The following MAOA variants were observed in gnomAD, a reference collection of about 807,000 sequenced individuals.
The protein encoded by MAOA is monoamine oxidase A.
A neutral mutation model predicts 42.0 loss-of-function variants in MAOA; 6 were observed. That is an observed-to-expected ratio of 0.14 (90% confidence interval 0.08 to 0.28). The LOEUF is 0.28. MAOA is among the 10% of genes least tolerant of loss of function. The probability of loss-of-function intolerance (pLI) is 1.00; values close to 1 mark genes in which losing one functional copy is unlikely to be tolerated. For synonymous variants in MAOA, 140 were observed against 154.0 expected, an observed-to-expected ratio of 0.91 and a Z score of 0.67; for missense variants, 262 against 422.3, an observed-to-expected ratio of 0.62 and a Z score of 3.33.
intron 5 of MAOA, among the ~76,000 whole-genome samples, chrX:43,724,176 A>G (rs2033814041): frequency 9.0e-6 from 1 of 111,719 alleles, no homozygotes; most frequent in African/African-American, 3.3e-5. Flanking sequence ...TTTTGGTATC[A>G]GGATGATGCT....
rs2147103078 is a variant in MAOA at position 43,731,813 on chromosome X, G to A, written c.915G>A (p.Lys305=). 8.3e-7 allele frequency: 1 copy of A among 1,210,218 alleles called. No homozygotes were observed. The change falls in exon 8 of 15, where the codon AAG becomes AAA. Residue 305 remains lysine, a synonymous_variant. Coordinates refer to ENST00000338702, the MANE Select transcript of MAOA (RefSeq NM_000240.4). ...IQRLPMGAVI[K]CMMYYKEAFW... ...GGCTTCCAATGGGAGCTGTCATTAA[G>A]TGCATGATGTATTACAAGGAGGCCT...
rs1211873368 is a variant in MAOA, at chrX:43,672,945, G to T, written c.74-10568G>T. 1.7e-3 allele frequency among the ~76,000 whole-genome samples: 185 copies of T among 111,339 alleles called. 2 individuals are homozygous for T. Among genetic ancestry groups the T allele is most frequent in the African/African-American group, 5.9e-3 (180 of 30,637 alleles). On this transcript the variant is annotated intron_variant, in intron 1 of 14. Transcript: ENST00000338702. Reference sequence around the variant, plus strand: ...CCCGGCTTTGATATCAGGATGATACGGGCCTCATAAAATGAGTTAGGGAGG... The same window carrying T: ...CCCGGCTTTGATATCAGGATGATACTGGCCTCATAAAATGAGTTAGGGAGG...
Position 43,728,303 on chromosome X carries a change from A to G in MAOA, c.634A>G (p.Asn212Asp), listed in dbSNP as rs897212168. ...GGTTRIFSVT[N>D]GGQERKFVGG... ...CACCACTCGGATATTCTCTGTCACC[A>G]ATGGTGGCCAGGTATGGTGTGTATG... Residue 212 changes from asparagine (N) to aspartate (D), a missense_variant, in exon 6 of 15, where the codon AAT becomes GAT. Coordinates refer to ENST00000338702, the MANE Select transcript of MAOA (RefSeq NM_000240.4). 8.3e-7 allele frequency: 1 copy of G among 1,209,814 alleles called. No individual in the cohort carries two copies. The highest frequency in any genetic ancestry group is 1.1e-6 in the Non-Finnish European group (1 of 895,063).
At chrX:43,691,557 A>G (rs961742419) in intron 2 of MAOA, among the ~76,000 whole-genome samples, 1 of 111,839 alleles carries the variant, frequency 8.9e-6, no homozygotes, top group African/African-American at 3.2e-5. Flanking sequence ...GTCTGGAAAT[A>G]GAAAAGATGG....
rs2147085452 is a variant in MAOA, at chrX:43,693,406, A to G, written c.284A>G (p.Glu95Gly). Residue 95 changes from glutamate (E) to glycine (G), a missense_variant, in exon 3 of 15, where the codon GAG becomes GGG. By Grantham distance (98) the Glu-to-Gly change is moderately conservative. Transcript: ENST00000338702. ...GIETYKVNVS[E>G]RLVQYVKGKT... ...GAGACTTACAAAGTGAATGTCAGTG[A>G]GCGTCTCGTTCAATATGTCAAGGTA... is the stretch of plus-strand genomic sequence containing the variant. 1 of 1,211,025 alleles carries G rather than the reference A, an allele frequency of 8.3e-7. No individual in the cohort carries two copies. The highest frequency in any genetic ancestry group is 2.2e-5 in the Admixed American group (1 of 46,049).
intron 5 of MAOA, among the ~76,000 whole-genome samples, chrX:43,714,834 A>T (rs1292029809): frequency 9.3e-6 from 1 of 108,099 alleles, no homozygotes; most frequent in Non-Finnish European, 1.9e-5. Flanking sequence ...TTTTCCAGCT[A>T]TTTCTCTCTC....
chrX:43,664,700 G>A (rs971226427), intron 1 of MAOA, among the ~76,000 whole-genome samples: 2 of 111,914 alleles, frequency 1.8e-5, no homozygotes, highest in Non-Finnish European at 3.8e-5. Flanking sequence ...CATTCATTCA[G>A]TAAATATTTG....
At chrX:43,740,851 A>G (rs2033955706) in intron 11 of MAOA, 113 bp downstream of exon 11, 2 of 664,045 alleles carry the variant, frequency 3.0e-6, no homozygotes, top group Non-Finnish European at 4.4e-6. Flanking sequence ...ATAAAGCGAT[A>G]TGCTTAACTT....
chrX:43,664,567 A>C (rs1252261239), intron 1 of MAOA, among the ~76,000 whole-genome samples: 6 of 111,876 alleles, frequency 5.4e-5, no homozygotes, highest in Non-Finnish European at 1.1e-4. Flanking sequence ...AGTGTCATAG[A>C]TTTTGGATAA....
At chrX:43,711,199 G>A (rs1480986244) in intron 3 of MAOA, among the ~76,000 whole-genome samples, 1 of 111,168 alleles carries the variant, frequency 9.0e-6, no homozygotes, top group Non-Finnish European at 1.9e-5. Flanking sequence ...GGAGCTGGTA[G>A]CTGGGACCAT....
chrX:43,676,458 G>T (rs1227779902), intron 1 of MAOA, among the ~76,000 whole-genome samples: 1 of 111,017 alleles, frequency 9.0e-6, no homozygotes, highest in East Asian at 2.8e-4. Flanking sequence ...CCACTGTCCT[G>T]CGCCCACTGT....
At position 43,731,601 on chromosome X, in the gene MAOA, A is replaced by G. The variant is rs2033881531; in HGVS notation, c.796-93A>G. On this transcript the variant is annotated intron_variant, in intron 7 of 14. Transcript: ENST00000338702. Reference sequence around the variant, plus strand: ...TCATTTTGTATGTTTTTACTGCTCAATGTTGTTTAGAAGTGATAAAGATGA... The same window carrying G: ...TCATTTTGTATGTTTTTACTGCTCAGTGTTGTTTAGAAGTGATAAAGATGA... 17 of 959,750 alleles carry G rather than the reference A, an allele frequency of 1.8e-5. No individual in the cohort carries two copies. The Middle Eastern group carries it at 1.3e-3, about 73-fold the overall frequency. 79.1% of individuals were successfully genotyped at this position (959,750 alleles called of 1,213,427 possible).
At chrX:43,671,260 A>G (rs1218674904) in intron 1 of MAOA, among the ~76,000 whole-genome samples, 1 of 104,890 alleles carries the variant, frequency 9.5e-6, no homozygotes, top group Non-Finnish European at 2.0e-5. Flanking sequence ...GTGTCTGTTC[A>G]TGTCCTTCAC....
chrX:43,741,212 A>G (rs980397595), intron 11 of MAOA, among the ~76,000 whole-genome samples: 4 of 111,627 alleles, frequency 3.6e-5, no homozygotes, highest in African/African-American at 1.3e-4. Context: ...TGTGAACTCA[A>G]TTCACAACTC....
At chrX:43,664,022 A>G (rs781531777) in intron 1 of MAOA, among the ~76,000 whole-genome samples, 1 of 111,973 alleles carries the variant, frequency 8.9e-6, no homozygotes, top group Admixed American at 9.5e-5. Context: ...TGTTCTGGAA[A>G]CCTCTTCTGC....
chrX:43,700,135 G>A (rs972396411), intron 3 of MAOA, among the ~76,000 whole-genome samples: 2 of 111,264 alleles, frequency 1.8e-5, no homozygotes, highest in African/African-American at 6.5e-5. Flanking sequence ...TATTAATATT[G>A]CCTTCCACCT....
rs1263766790 is a variant in MAOA, at chrX:43,715,666, T to C, written c.503+2870T>C. Among the ~76,000 whole-genome samples, 4 of 110,269 alleles carry C rather than the reference T, an allele frequency of 3.6e-5. No individual in the cohort carries two copies. In the East Asian group the frequency reaches 1.2e-3, roughly 32 times the overall value. ...AGGGGCAGAAGAAAACATGGTACAT[T>C]GTGTTTAGAGAGATGGAATCTTCCA... is the stretch of plus-strand genomic sequence containing the variant. On this transcript the variant is annotated intron_variant, in intron 5 of 14. Coordinates refer to ENST00000338702, the MANE Select transcript of MAOA (RefSeq NM_000240.4).
chrX:43,691,383 A>C (rs778238238), intron 2 of MAOA, among the ~76,000 whole-genome samples: 1 of 111,186 alleles, frequency 9.0e-6, no homozygotes, highest in Non-Finnish European at 1.9e-5. Flanking sequence ...CAAAAAAAAA[A>C]AATAAAAATA....
intron 3 of MAOA, among the ~76,000 whole-genome samples, chrX:43,711,640 T>C (rs1024716524): frequency 1.8e-5 from 2 of 111,960 alleles, no homozygotes; most frequent in African/African-American, 6.5e-5. Flanking sequence ...TATTATTTAC[T>C]GTAAATTAAA....
Sources: gnomAD v4.1 joint callset for allele counts (sites outside exome capture counted in the v4.1 genomes callset) on GRCh38, gnomAD v4.1.1 for gene constraint, MANE v1.5 for transcripts, NCBI Gene and HGNC (gene_info 2026-07-23, HGNC 2026-07-21) for gene names.